The following SPINK5 variants were observed in gnomAD, a reference collection of about 807,000 sequenced individuals.
SPINK5 encodes serine protease inhibitor Kazal-type 5.
In SPINK5, 125 loss-of-function variants were observed where a neutral mutation model predicts 151.8. The observed-to-expected ratio is 0.82, with a 90% CI of 0.71 to 0.96. The LOEUF (loss-of-function observed/expected upper bound fraction) is 0.96, where lower values mean the gene tolerates loss of function less well. SPINK5 is among the 40% of genes least tolerant of loss of function. SPINK5 has a pLI of 0.00. For missense variants in SPINK5, 1,194 were observed against 1,291.9 expected (o/e 0.92, Z 1.16); for synonymous variants, 374 against 395.3 (o/e 0.95, Z 0.64).
At chr5:148,107,306 A>G in intron 17 of SPINK5, 142 bp downstream of exon 17, 2 of 1,157,156 alleles carry the variant, frequency 1.7e-6, no homozygotes, top group Non-Finnish European at 2.5e-6. Flanking sequence ...GACATTAAGT[A>G]ATATTGAATC....
At chr5:148,087,821 A>G (rs1753202084) in intron 5 of SPINK5, among the ~76,000 whole-genome samples, 1 of 151,822 alleles carries the variant, frequency 6.6e-6, no homozygotes, top group South Asian at 2.1e-4. Flanking sequence ...TTGCAGCTCT[A>G]GCTGCTAGGA....
chr5:148,070,539 A>G, intron 3 of SPINK5, 89 bp downstream of exon 3: 2 of 1,552,612 alleles, frequency 1.3e-6, no homozygotes, highest in Non-Finnish European at 1.8e-6. Flanking sequence ...TTTCAAGTGC[A>G]TTTTTCTAAA....
chr5:148,100,700 G>C (rs1237494594), intron 13 of SPINK5, 119 bp downstream of exon 13: 1 of 1,165,576 alleles, frequency 8.6e-7, no homozygotes, highest in Non-Finnish European at 1.2e-6. Flanking sequence ...GGCATATTTA[G>C]AGAAACTGTC....
chr5:148,076,883 C>T (rs1752896211), intron 4 of SPINK5, among the ~76,000 whole-genome samples: 1 of 151,368 alleles, frequency 6.6e-6, no homozygotes, highest in Non-Finnish European at 1.5e-5. Context: ...AGGGAATTAC[C>T]AAACTTGAGG....
rs939472014 is a variant in SPINK5 at position 148,123,898 on chromosome 5, C to G, written c.2604C>G (p.Asn868Lys). 1 of 1,613,984 alleles carries G rather than the reference C, an allele frequency of 6.2e-7. No homozygotes were observed. Among genetic ancestry groups the G allele is most frequent in the Middle Eastern group, 1.6e-4 (1 of 6,062 alleles). The change falls in exon 27 of 33, where the codon AAC becomes AAG. Residue 868 changes from asparagine (N) to lysine (K), a missense_variant. Asn to Lys is a moderately conservative substitution (Grantham distance 94). Coordinates refer to ENST00000256084, the MANE Select transcript of SPINK5 (RefSeq NM_006846.4). Reference protein sequence around the residue: ...NGKLICTRENNPVRGPYGKMH... With the variant: ...NGKLICTRENKPVRGPYGKMH... ...AGCTTATCTGCACCAGAGAAAATAA[C>G]CCTGTTCGAGGCCCATATGGCAAGA...
At chr5:148,117,561 C>T (rs1754127853) in intron 22 of SPINK5, among the ~76,000 whole-genome samples, 1 of 152,158 alleles carries the variant, frequency 6.6e-6, no homozygotes, top group South Asian at 2.1e-4. Context: ...GGATGTGTTT[C>T]AGTAAAACTT....
At chr5:148,104,900 AAG>A in intron 15 of SPINK5, 50 bp from the exon 16 acceptor site, 1 of 1,532,434 alleles carries the variant, frequency 6.5e-7, no homozygotes, top group Non-Finnish European at 8.8e-7. Flanking sequence ...CGTCTCAAAA[AAG>A]AAAAAAAAAA....
At chr5:148,066,545 A>G (rs1287243528) in intron 2 of SPINK5, among the ~76,000 whole-genome samples, 2 of 152,150 alleles carry the variant, frequency 1.3e-5, no homozygotes, top group African/African-American at 2.4e-5. Flanking sequence ...AACTTCTTAC[A>G]TGAGTGTTCT....
chr5:148,108,121 A>T (rs1753828862), intron 17 of SPINK5, among the ~76,000 whole-genome samples: 1 of 152,170 alleles, frequency 6.6e-6, no homozygotes, highest in South Asian at 2.1e-4. Context: ...TAATGACTAA[A>T]TGTAGTAAAT....
intron 26 of SPINK5, among the ~76,000 whole-genome samples, chr5:148,123,521 G>GTATATATATATATATA (rs1159209367): frequency 4.0e-4 from 10 of 25,008 alleles, no homozygotes; most frequent in African/African-American, 8.0e-4. Flanking sequence ...CAATATATGT[G>GTATATATATATATATA]TATATATATA....
chr5:148,094,384 A>G lies in SPINK5; in HGVS notation c.697A>G (p.Arg233Gly), dbSNP rs1753398062. The change falls in exon 9 of 33, where the codon AGA becomes GGA. Residue 233 changes from arginine (R) to glycine (G), a missense_variant. Arg to Gly is a moderately radical substitution (Grantham distance 125, BLOSUM62 -2). Coordinates refer to ENST00000256084, the MANE Select transcript of SPINK5 (RefSeq NM_006846.4). ...TTGCAAGGAATATGAAAAACAAGTG[A>G]GAAATGGAAGGCTTTTTTGTACACG... Reference protein sequence around the residue: ...DFCKEYEKQVRNGRLFCTRES... With the variant: ...DFCKEYEKQVGNGRLFCTRES... The G allele has an allele frequency of 1.2e-6, 2 of 1,612,556 alleles. No homozygotes were observed. Among genetic ancestry groups the G allele is most frequent in the South Asian group, 2.2e-5 (2 of 91,084 alleles).
At chr5:148,099,999 T>TAA (rs1331482296) in intron 12 of SPINK5, among the ~76,000 whole-genome samples, 4 of 152,094 alleles carry the variant, frequency 2.6e-5, no homozygotes, top group African/African-American at 9.7e-5. Context: ...GCCATGTCTT[T>TAA]TCCTACCTGT....
intron 32 of SPINK5, among the ~76,000 whole-genome samples, chr5:148,134,882 A>G (rs1238069415): frequency 6.6e-6 from 1 of 151,954 alleles, no homozygotes; most frequent in Non-Finnish European, 1.5e-5. Context: ...ATCAGAAACT[A>G]TTCAGCCAGA....
Position 148,120,102 on chromosome 5 carries a change from C to A in SPINK5, c.2407C>A (p.His803Asn). ...DPVRGPDGKT[H>N]GNKCTMCKEK... ...TGTCCGGGGTCCAGATGGCAAGACACATGGCAATAAGTGTACTATGTGTAA... is the reference window on the plus strand; with the variant it reads ...TGTCCGGGGTCCAGATGGCAAGACAAATGGCAATAAGTGTACTATGTGTAA... The change falls in exon 25 of 33, where the codon CAT becomes AAT. Residue 803 changes from histidine to asparagine, a missense_variant. Physicochemically the swap from His to Asn is moderately conservative, Grantham distance 68. Coordinates refer to ENST00000256084, the MANE Select transcript of SPINK5 (RefSeq NM_006846.4). 1 of 1,614,044 alleles carries A rather than the reference C, an allele frequency of 6.2e-7. No homozygotes were observed. Among genetic ancestry groups the A allele is most frequent in the South Asian group, 1.1e-5 (1 of 91,076 alleles).
At chr5:148,121,013 C>T (rs1218672061) in intron 26 of SPINK5, among the ~76,000 whole-genome samples, 6 of 151,388 alleles carry the variant, frequency 4.0e-5, no homozygotes, top group African/African-American at 1.2e-4. Context: ...GGCACGATGG[C>T]GGGCGCCTAT....
chr5:148,117,733 A>C (rs534469392), intron 22 of SPINK5, among the ~76,000 whole-genome samples: 6 of 152,102 alleles, frequency 3.9e-5, no homozygotes, highest in Non-Finnish European at 7.3e-5. Flanking sequence ...ACCTGCATAT[A>C]TGGAGGGCTA....
intron 8 of SPINK5, among the ~76,000 whole-genome samples, chr5:148,092,698 C>A (rs1047299935): frequency 6.6e-6 from 1 of 151,814 alleles, no homozygotes; most frequent in African/African-American, 2.4e-5. Context: ...GTTTCTTTTA[C>A]GAGAATCATT....
At chr5:148,129,433 T>C (rs1332024372) in intron 30 of SPINK5, among the ~76,000 whole-genome samples, 1 of 152,146 alleles carries the variant, frequency 6.6e-6, no homozygotes, top group Non-Finnish European at 1.5e-5. Context: ...GGTGGAGCTC[T>C]TGAGAGGTGG....
intron 26 of SPINK5, among the ~76,000 whole-genome samples, chr5:148,123,620 G>A (rs148438142): frequency 1.4e-5 from 2 of 147,248 alleles, no homozygotes; most frequent in African/African-American, 5.0e-5. Context: ...TTCCATTAGG[G>A]CAAGACAATC....
Sources: allele counts gnomAD v4.1 joint callset (sites outside exome capture counted in the v4.1 genomes callset), GRCh38; gene constraint gnomAD v4.1.1; transcripts MANE v1.5; gene names NCBI Gene and HGNC (gene_info 2026-07-23, HGNC 2026-07-21).